EPHX3: variants seen among roughly 807,000 people sequenced by gnomAD.
EPHX3 encodes the protein abhydrolase domain containing 9.
A neutral mutation model predicts 40.2 loss-of-function variants in EPHX3; 39 were observed. The observed-to-expected ratio is 0.97, with a 90% CI of 0.75 to 1.27. The LOEUF (loss-of-function observed/expected upper bound fraction) is 1.27, where lower values mean the gene tolerates loss of function less well. Among genes scored for constraint, EPHX3 ranks in the 50% most tolerant of loss-of-function variants. The probability of loss-of-function intolerance (pLI) is 0.00; values close to 1 mark genes in which losing one functional copy is unlikely to be tolerated. For synonymous variants in EPHX3, 213 were observed against 209.7 expected, an observed-to-expected ratio of 1.02 and a Z score of -0.14; for missense variants, 442 against 474.0, an observed-to-expected ratio of 0.93 and a Z score of 0.63.
chr19:15,232,618 T>C (rs534293422), upstream of EPHX3, among the ~76,000 whole-genome samples: 1 of 150,670 alleles, frequency 6.6e-6, no homozygotes, highest in South Asian at 2.1e-4. Flanking sequence ...GGCTCACGCC[T>C]GTAATCCCAG....
chr19:15,231,458 G>A (rs984724417), intron 2 of EPHX3, 62 bp from the exon 3 acceptor site: 17 of 1,566,372 alleles, frequency 1.1e-5, no homozygotes, highest in East Asian at 2.3e-5. Context: ...TGCACCCTAC[G>A]CACATCAGCA....
chr19:15,233,227 C>T (rs1353046944), upstream of EPHX3: 1 of 152,308 alleles, frequency 6.6e-6, no homozygotes, highest in Non-Finnish European at 1.5e-5. Context: ...TCAGGAGGGT[C>T]TGGAAGACGA....
At chr19:15,229,571 C>A (rs1457239655) in intron 4 of EPHX3, among the ~76,000 whole-genome samples, 1 of 144,778 alleles carries the variant, frequency 6.9e-6, no homozygotes, top group Non-Finnish European at 1.5e-5. Context: ...CACTGCACTG[C>A]ACAGAGTGAG....
At chr19:15,235,070 C>T (rs1270765522), upstream of EPHX3, among the ~76,000 whole-genome samples, 2 of 151,104 alleles carry the variant, frequency 1.3e-5, no homozygotes, top group Middle Eastern at 3.4e-3. Context: ...GGTGTGATCT[C>T]GGCTCACCGC....
upstream of EPHX3, chr19:15,236,859 T>C: frequency 5.2e-6 from 1 of 190,730 alleles, no homozygotes; most frequent in Non-Finnish European, 1.1e-5. Flanking sequence ...GAGATGTGTT[T>C]ATTCCATGAT....
chr19:15,232,482 AG>A (rs2145486580), upstream of EPHX3: 1 of 1,273,916 alleles, frequency 7.8e-7, no homozygotes, highest in East Asian at 3.4e-5. Context: ...GAGGTTGGAA[AG>A]GGGGGAAATA....
At chr19:15,231,661 C>G in intron 2 of EPHX3, 115 bp downstream of exon 2, 2 of 1,156,252 alleles carry the variant, frequency 1.7e-6, no homozygotes, top group Non-Finnish European at 2.6e-6. Flanking sequence ...TACCCCTATC[C>G]CCATCTATGT....
At chr19:15,231,712 T>C (rs1599421731) in intron 2 of EPHX3, 64 bp downstream of exon 2, 2 of 1,531,614 alleles carry the variant, frequency 1.3e-6, no homozygotes, top group Non-Finnish European at 1.8e-6. Context: ...CCCTGCCTCT[T>C]GGGAGCCCAA....
chr19:15,234,197 T>C (rs1213682669), upstream of EPHX3, among the ~76,000 whole-genome samples: 1 of 152,150 alleles, frequency 6.6e-6, no homozygotes, highest in East Asian at 1.9e-4. Flanking sequence ...CACATTCCTG[T>C]AGTATAGATC....
upstream of EPHX3, chr19:15,235,581 A>T (rs1344538030): frequency 6.6e-6 from 1 of 151,006 alleles, no homozygotes; most frequent in Non-Finnish European, 1.5e-5. Flanking sequence ...AAAAAAAAAA[A>T]CCTTTCGTAT....
chr19:15,228,637 G>A (rs942979243), intron 4 of EPHX3, among the ~76,000 whole-genome samples: 13 of 142,512 alleles, frequency 9.1e-5, no homozygotes, highest in South Asian at 6.9e-4. Context: ...TCCTGCCTCA[G>A]CCTCCCGGTA....
rs537578008 is a variant in EPHX3, at chr19:15,228,179, C to G, written c.617-79G>C. 4 of 1,145,708 alleles carry G rather than the reference C, an allele frequency of 3.5e-6. No homozygotes were observed. The South Asian group carries it at 6.0e-5, about 17-fold the overall frequency. 71.0% of individuals were successfully genotyped at this position (1,145,708 alleles called of 1,614,324 possible). On this transcript the variant is annotated intron_variant, in intron 4 of 6. Transcript: ENST00000221730. The stretch of plus-strand genomic sequence containing the variant: ...ATACACCTGCACCCCTACACATACC[C>G]AGGTCAGGGACACAAGCCTCAGGAA...
intron 4 of EPHX3, among the ~76,000 whole-genome samples, chr19:15,228,799 G>A (rs901144245): frequency 4.0e-5 from 6 of 151,890 alleles, no homozygotes; most frequent in Admixed American, 1.3e-4. Flanking sequence ...GATTACAGAC[G>A]TGAACCACCG....
chr19:15,228,564 G>T (rs2145480033), intron 4 of EPHX3, among the ~76,000 whole-genome samples: 1 of 137,618 alleles, frequency 7.3e-6, no homozygotes. Flanking sequence ...TGTCGCCCAG[G>T]CTGGAGTGCA....
upstream of EPHX3, among the ~76,000 whole-genome samples, chr19:15,234,505 A>AT (rs1438660618): frequency 6.6e-6 from 1 of 152,156 alleles, no homozygotes; most frequent in Non-Finnish European, 1.5e-5. Flanking sequence ...ACGACTTGCT[A>AT]TATTGTCCAG....
In EPHX3 at chr19:15,227,922, G is replaced by A; in HGVS notation, c.721-15C>T. The A allele has an allele frequency of 6.2e-7, 1 of 1,614,044 alleles. No homozygotes were observed. The highest frequency in any genetic ancestry group is 8.5e-7 in the Non-Finnish European group (1 of 1,180,004). Reference sequence around the variant, plus strand: ...GTCTTCAGAATCTAGGTACACAGCAGGACTCTGGCTTCAGTGCCCAGCCTG... The same window carrying A: ...GTCTTCAGAATCTAGGTACACAGCAAGACTCTGGCTTCAGTGCCCAGCCTG... On this transcript the variant is annotated splice_polypyrimidine_tract_variant and intron_variant, in intron 5 of 6. Coordinates refer to ENST00000221730, the MANE Select transcript of EPHX3 (RefSeq NM_024794.3).
chr19:15,227,434 C>A lies in EPHX3; in HGVS notation c.*3G>T, dbSNP rs1407460715. On this transcript the variant is annotated 3_prime_UTR_variant, in exon 7 of 7. Transcript: ENST00000221730. ...TGCCTCCTGGGCAGGCCAGCAAGGA[C>A]CACTAGTCCAGCAGGTCTTGCAAGA... The A allele has an allele frequency of 6.2e-7, 1 of 1,613,106 alleles. No homozygotes were observed. The highest frequency in any genetic ancestry group is 1.3e-5 in the African/African-American group (1 of 74,910).
At chr19:15,228,913 C>T (rs2047132883) in intron 4 of EPHX3, among the ~76,000 whole-genome samples, 1 of 152,066 alleles carries the variant, frequency 6.6e-6, no homozygotes, top group Non-Finnish European at 1.5e-5. Context: ...ATCGCTTGAG[C>T]CCAGGAGTCT....
chr19:15,235,204 C>T (rs1053757256), upstream of EPHX3, among the ~76,000 whole-genome samples: 2 of 152,086 alleles, frequency 1.3e-5, no homozygotes, highest in Admixed American at 6.6e-5. Context: ...GGAGTTTCAC[C>T]ATGTTGGCCA....
Sources: gnomAD v4.1 joint callset for allele counts (sites outside exome capture counted in the v4.1 genomes callset) on GRCh38, gnomAD v4.1.1 for gene constraint, MANE v1.5 for transcripts, NCBI Gene and HGNC (gene_info 2026-07-23, HGNC 2026-07-21) for gene names.